The following TRIM67 variants were observed in gnomAD, a reference collection of about 807,000 sequenced individuals.
The protein encoded by TRIM67 is tripartite motif containing 67.
Under a neutral mutation model 71.0 loss-of-function variants are expected in TRIM67, and 39 were observed. The observed-to-expected ratio is 0.55, with a 90% CI of 0.43 to 0.72. TRIM67 has a LOEUF of 0.72. Ranked by LOEUF, TRIM67 falls within the 30% of genes least tolerant of loss-of-function variation. The probability of loss-of-function intolerance (pLI) is 0.00; values close to 1 mark genes in which losing one functional copy is unlikely to be tolerated. For missense variants in TRIM67, 973 were observed against 1,079.2 expected (o/e 0.90, Z 1.38); for synonymous variants, 481 against 473.9 (o/e 1.01, Z -0.19).
At chr1:231,187,560 T>C (rs1571883449) in intron 1 of TRIM67, 2 of 1,532,760 alleles carry the variant, frequency 1.3e-6, no homozygotes, top group East Asian at 4.9e-5. Flanking sequence ...AAATCCCCTG[T>C]GGTCCATTTC....
At chr1:231,204,786 G>A (rs1683651647) in intron 6 of TRIM67, among the ~76,000 whole-genome samples, 1 of 152,226 alleles carries the variant, frequency 6.6e-6, no homozygotes, top group African/African-American at 2.4e-5. Flanking sequence ...CTCCTGGGAA[G>A]TTGCACCCAT....
Position 231,219,474 on chromosome 1 carries a change from C to A in TRIM67, c.*4034C>A, listed in dbSNP as rs1022399531. 2.2e-5 allele frequency: 23 copies of A among 1,051,620 alleles called. No individual in the cohort carries two copies. Among genetic ancestry groups the A allele is most frequent in the Middle Eastern group, 4.6e-4 (1 of 2,156 alleles). The allele number at this position is 1,051,620 out of a possible 1,614,324, so 65.1% of individuals were successfully genotyped here. ...AAGCTGCCAGCCTTTATCTTGATAC[C>A]CAAGCCCAGGATTTTCCATGTGTCT... On this transcript the variant is annotated 3_prime_UTR_variant, in exon 10 of 10. Coordinates refer to ENST00000366653, the MANE Select transcript of TRIM67 (RefSeq NM_001004342.5).
At position 231,209,592 on chromosome 1, in the gene TRIM67, G is replaced by A. The variant is rs1683812619; in HGVS notation, c.2123+342G>A. On this transcript the variant is annotated intron_variant, in intron 8 of 9. Transcript: ENST00000366653. This position sits in a 1 kb window ranked among gnomAD's most constrained non-coding sequence, Gnocchi z 4.1. ...CCTTTTCAACTGTCAACCCAAGCTT[G>A]GGTTGCTGCAGGGTGTTAATGGGCA... is the stretch of plus-strand genomic sequence containing the variant. Among the ~76,000 whole-genome samples the A allele has an allele frequency of 1.3e-5, 2 of 152,188 alleles. No individual in the cohort carries two copies. Among genetic ancestry groups the A allele is most frequent in the African/African-American group, 4.8e-5 (2 of 41,448 alleles).
intron 2 of TRIM67, among the ~76,000 whole-genome samples, chr1:231,197,847 A>AGAAGG (rs1558301951): frequency 3.3e-5 from 5 of 151,492 alleles, no homozygotes; most frequent in African/African-American, 9.7e-5. Flanking sequence ...GAAGAAGAAG[A>AGAAGG]AGAAGGAGAA....
chr1:231,175,767 A>G (rs1682731448), intron 1 of TRIM67, among the ~76,000 whole-genome samples: 1 of 152,270 alleles, frequency 6.6e-6, no homozygotes, highest in South Asian at 2.1e-4. Flanking sequence ...GAAACACCAG[A>G]AACCCATGGA....
Position 231,220,134 on chromosome 1 carries a change from C to T in TRIM67, c.*4694C>T. On this transcript the variant is annotated 3_prime_UTR_variant, in exon 10 of 10. Coordinates refer to ENST00000366653, the MANE Select transcript of TRIM67 (RefSeq NM_001004342.5). ...CAGTCTTTCATCTCTGGCATCTAAG[C>T]TAATGATTCCCATTCAGTGACTCAA... 1 of 426,022 alleles carries T rather than the reference C, an allele frequency of 2.3e-6. No individual in the cohort carries two copies. The highest frequency in any genetic ancestry group is 2.0e-5 in the South Asian group (1 of 50,904). The allele number at this position is 426,022 out of a possible 1,614,324, so 26.4% of individuals were successfully genotyped here.
intron 1 of TRIM67, 102 bp from the exon 2 acceptor site, chr1:231,197,269 A>C (rs1683389845): frequency 3.5e-6 from 3 of 845,578 alleles, no homozygotes; most frequent in Non-Finnish European, 5.8e-6. Context: ...GCGTGGGATC[A>C]GTCCTATCCC....
In TRIM67 at chr1:231,220,007, T is replaced by C. The variant is rs1039946863; in HGVS notation, c.*4567T>C. The C allele has an allele frequency of 1.6e-6, 2 of 1,249,136 alleles. No homozygotes were observed. The highest frequency in any genetic ancestry group is 2.1e-6 in the Non-Finnish European group (2 of 951,642). 77.4% of individuals were successfully genotyped at this position (1,249,136 alleles called of 1,614,324 possible). A position where few individuals can be genotyped will look rare whatever the true frequency, so the allele number is the denominator to read the frequency against. ...GTGGGGGCCAATCTCTTATCCTTTC[T>C]GTGCCTCAGTATCCCCACCTGAAAT... On this transcript the variant is annotated 3_prime_UTR_variant, in exon 10 of 10. Coordinates refer to ENST00000366653, the MANE Select transcript of TRIM67 (RefSeq NM_001004342.5).
At chr1:231,183,467 C>G (rs1238874235) in intron 1 of TRIM67, among the ~76,000 whole-genome samples, 3 of 151,964 alleles carry the variant, frequency 2.0e-5, no homozygotes, top group Non-Finnish European at 4.4e-5. Flanking sequence ...ATAAAAATTA[C>G]TTGGGCATGG....
chr1:231,190,090 A>G (rs58826536), intron 1 of TRIM67, among the ~76,000 whole-genome samples: 8,671 of 152,254 alleles, frequency 0.057, 437 homozygotes, highest in East Asian at 0.24. Context: ...TCACAGCAGC[A>G]ATAAGAAACT....
Position 231,217,144 on chromosome 1 carries a change from T to G in TRIM67, c.*1704T>G. On this transcript the variant is annotated 3_prime_UTR_variant, in exon 10 of 10. Transcript: ENST00000366653. Reference sequence around the variant, plus strand: ...ACTCAGCAGGCCCGACAATCCTACCTCAAAGCTCATGCTCTTGGTCTGCAA... The same window carrying G: ...ACTCAGCAGGCCCGACAATCCTACCGCAAAGCTCATGCTCTTGGTCTGCAA... 6 of 985,854 alleles carry G rather than the reference T, an allele frequency of 6.1e-6. No individual in the cohort carries two copies. Among genetic ancestry groups the G allele is most frequent in the Non-Finnish European group, 7.2e-6 (6 of 829,974 alleles). The allele number at this position is 985,854 out of a possible 1,614,324, so 61.1% of individuals were successfully genotyped here.
At chr1:231,200,059 T>A in intron 3 of TRIM67, 89 bp from the exon 4 acceptor site, 1 of 966,200 alleles carries the variant, frequency 1.0e-6, no homozygotes, top group Non-Finnish European at 1.7e-6. Context: ...TCTTCCAGGC[T>A]GTATTGGCAC....
At chr1:231,181,628 A>C (rs564789386) in intron 1 of TRIM67, among the ~76,000 whole-genome samples, 23 of 152,310 alleles carry the variant, frequency 1.5e-4, no homozygotes, top group African/African-American at 5.5e-4. Context: ...AAAAGAAAAA[A>C]ACTTTAAAAA....
intron 4 of TRIM67, among the ~76,000 whole-genome samples, 165 bp from the exon 5 acceptor site, chr1:231,201,193 T>A (rs1005266897): frequency 9.9e-5 from 15 of 152,218 alleles, no homozygotes; most frequent in African/African-American, 3.4e-4. Context: ...TTAGACAGCC[T>A]GTGCTGGGTG....
rs955158862 is a variant in TRIM67, at chr1:231,171,532, G to C, written c.1044+7519G>C. On this transcript the variant is annotated intron_variant, in intron 1 of 9. Transcript: ENST00000366653. ...GGGGTGCTGCCCAGGTAGTGGTGGAGGTTATGACAATCATAACAAGGGAAC... is the reference window on the plus strand; with the variant it reads ...GGGGTGCTGCCCAGGTAGTGGTGGACGTTATGACAATCATAACAAGGGAAC... 5.6e-4 allele frequency among the ~76,000 whole-genome samples: 85 copies of C among 152,158 alleles called. 1 individual carries two copies. Among genetic ancestry groups the C allele is most frequent in the African/African-American group, 2.0e-3 (84 of 41,502 alleles).
At chr1:231,188,489 T>C (rs1323949154) in intron 1 of TRIM67, among the ~76,000 whole-genome samples, 3 of 152,160 alleles carry the variant, frequency 2.0e-5, no homozygotes, top group Non-Finnish European at 4.4e-5. Context: ...GTGGGTGGTC[T>C]CAGCCCAGCA....
At chr1:231,171,147 G>T (rs1682608034) in intron 1 of TRIM67, among the ~76,000 whole-genome samples, 1 of 152,074 alleles carries the variant, frequency 6.6e-6, no homozygotes, top group Non-Finnish European at 1.5e-5. Context: ...TCCTCTAGGG[G>T]GCCTGAGAGC....
At chr1:231,212,640 T>C (rs1683905659) in intron 8 of TRIM67, among the ~76,000 whole-genome samples, 1 of 152,012 alleles carries the variant, frequency 6.6e-6, no homozygotes, top group South Asian at 2.1e-4. Context: ...GGAGGATCCG[T>C]TGAGCCCAGG....
rs1432502147 is a variant in TRIM67, at chr1:231,221,102, T to G, written c.*5662T>G. 1.3e-5 allele frequency: 2 copies of G among 152,276 alleles called. No individual in the cohort carries two copies. The highest frequency in any genetic ancestry group is 4.8e-5 in the African/African-American group (2 of 41,470). The allele number at this position is 152,276 out of a possible 1,614,324, so 9.4% of individuals were successfully genotyped here. On this transcript the variant is annotated 3_prime_UTR_variant, in exon 10 of 10. Transcript: ENST00000366653. ...AAAACATTCAATGCATGATGTAGGA[T>G]TGCTGCGTTGGCACTAAGCTGTTGT...
Sources: gnomAD v4.1 joint callset for allele counts (sites outside exome capture counted in the v4.1 genomes callset) on GRCh38, gnomAD v4.1.1 for gene constraint, Gnocchi (gnomAD v3.1) non-coding constraint, MANE v1.5 for transcripts, NCBI Gene and HGNC (gene_info 2026-07-23, HGNC 2026-07-21) for gene names.